TACR3: variants seen among roughly 807,000 people sequenced by gnomAD.
TACR3 encodes the protein tachykinin receptor 3.
A neutral mutation model predicts 35.0 loss-of-function variants in TACR3; 34 were observed. The observed-to-expected ratio is 0.97, with a 90% confidence interval of 0.74 to 1.30. The LOEUF (loss-of-function observed/expected upper bound fraction) is 1.30. TACR3 is among the 50% of genes most tolerant of loss of function. The pLI, the probability that TACR3 is intolerant of heterozygous loss-of-function variation, is 0.00. For synonymous variants in TACR3, 233 were observed against 221.1 expected, an observed-to-expected ratio of 1.05 and a Z score of -0.48; for missense variants, 558 against 591.7, an observed-to-expected ratio of 0.94 and a Z score of 0.59.
At chr4:103,627,181 C>CAAAAAAAAA (rs33988758) in intron 3 of TACR3, among the ~76,000 whole-genome samples, 1 of 24,704 alleles carries the variant, frequency 4.0e-5, no homozygotes, top group Admixed American at 7.5e-4. Context: ...GACTCCGTCT[C>CAAAAAAAAA]AAAAAAAAAA....
chr4:103,623,674 G>A (rs1440989795), intron 3 of TACR3, among the ~76,000 whole-genome samples: 1 of 152,052 alleles, frequency 6.6e-6, no homozygotes, highest in Non-Finnish European at 1.5e-5. Context: ...GAATTTTAAG[G>A]CATAGGGTCT....
At position 103,702,612 on chromosome 4, in the gene TACR3, T is replaced by C. The variant is rs186046647; in HGVS notation, c.548+16516A>G. On this transcript the variant is annotated intron_variant, in intron 1 of 4. Coordinates refer to ENST00000304883, the MANE Select transcript of TACR3 (RefSeq NM_001059.3). The stretch of plus-strand genomic sequence containing the variant: ...AACACACATGCACATGTATGTTTAT[T>C]GCGGCACTATTCACAATAGCAAAGA... 2.2e-3 allele frequency among the ~76,000 whole-genome samples: 335 copies of C among 152,182 alleles called. 3 individuals are homozygous for C. The highest frequency in any genetic ancestry group is 7.7e-3 in the African/African-American group (321 of 41,512).
rs138661164 is a variant in TACR3, at chr4:103,589,790, C to T, written c.1290G>A (p.Thr430=). Residue 430 remains threonine, a synonymous_variant, in exon 5 of 5, where the codon ACG becomes ACA. Transcript: ENST00000304883. ...AGCCATTGAAACTTGGGTCTCTTGGCGTTGCTCTTTTCTTCCGACTGGACC... is the reference window on the plus strand; with the variant it reads ...AGCCATTGAAACTTGGGTCTCTTGGTGTTGCTCTTTTCTTCCGACTGGACC... The part of the protein sequence containing the change: ...TTRSSRKKRA[T]PRDPSFNGCS... 4.0e-5 allele frequency: 65 copies of T among 1,613,928 alleles called. No individual in the cohort carries two copies. The Middle Eastern group carries it at 6.6e-4, about 16-fold the overall frequency.
At chr4:103,640,735 A>AT (rs34867104) in intron 3 of TACR3, among the ~76,000 whole-genome samples, 7,081 of 151,020 alleles carry the variant, frequency 0.047, 197 homozygotes, top group Middle Eastern at 0.058. Context: ...ACGTTATGAG[A>AT]TTTTTTTTTA....
At chr4:103,612,789 C>T (rs995269362) in intron 3 of TACR3, among the ~76,000 whole-genome samples, 3 of 151,938 alleles carry the variant, frequency 2.0e-5, no homozygotes, top group Non-Finnish European at 4.4e-5. Flanking sequence ...GGATTACAGG[C>T]GTGAGCCACA....
chr4:103,698,603 T>C (rs1666733055), intron 1 of TACR3, among the ~76,000 whole-genome samples: 1 of 152,006 alleles, frequency 6.6e-6, no homozygotes, highest in South Asian at 2.1e-4. Flanking sequence ...TGATGGACTT[T>C]ATGTTAAGTG....
intron 3 of TACR3, among the ~76,000 whole-genome samples, chr4:103,603,482 G>A (rs544281424): frequency 4.3e-4 from 65 of 152,310 alleles, no homozygotes; most frequent in Admixed American, 9.8e-4. Flanking sequence ...CGTCTTCTGC[G>A]TTGCTCACGC....
intron 1 of TACR3, among the ~76,000 whole-genome samples, chr4:103,685,938 G>C (rs1402181328): frequency 6.6e-6 from 1 of 152,118 alleles, no homozygotes. Context: ...GTATTGGAGG[G>C]GGCTGACTTT....
chr4:103,719,770 G>A lies in TACR3; in HGVS notation c.-95C>T, dbSNP rs2110236590. The A allele has an allele frequency of 6.7e-7, 1 of 1,499,798 alleles. No homozygotes were observed. The highest frequency in any genetic ancestry group is 1.2e-5 in the South Asian group (1 of 86,164). The allele number at this position is 1,499,798 out of a possible 1,614,324, so 92.9% of individuals were successfully genotyped here. On this transcript the variant is annotated 5_prime_UTR_variant, in exon 1 of 5. Transcript: ENST00000304883. ...TTCTTCTCTGCCTCCTGGTCACTTT[G>A]GTGCCGGAGTCTTCAGATAAGACTG...
At chr4:103,676,474 A>G (rs1726171723) in intron 1 of TACR3, among the ~76,000 whole-genome samples, 1 of 152,168 alleles carries the variant, frequency 6.6e-6, no homozygotes, top group Non-Finnish European at 1.5e-5. Flanking sequence ...AGGAAGAAAA[A>G]CAGCTATAGA....
intron 1 of TACR3, among the ~76,000 whole-genome samples, chr4:103,710,477 G>A (rs1294353153): frequency 1.3e-5 from 2 of 149,320 alleles, no homozygotes; most frequent in Non-Finnish European, 3.0e-5. Context: ...GAATCTCTGA[G>A]ACACATATAA....
chr4:103,607,757 C>T (rs955052706), intron 3 of TACR3, among the ~76,000 whole-genome samples: 3 of 151,802 alleles, frequency 2.0e-5, no homozygotes, highest in Admixed American at 2.0e-4. Context: ...TAGATTAAGC[C>T]CCAAATAAGT....
intron 1 of TACR3, among the ~76,000 whole-genome samples, chr4:103,690,733 T>C (rs1329553456): frequency 6.6e-6 from 1 of 152,094 alleles, no homozygotes; most frequent in Non-Finnish European, 1.5e-5. Flanking sequence ...GGCTATAAAA[T>C]AAGTATCAAC....
intron 1 of TACR3, among the ~76,000 whole-genome samples, chr4:103,715,117 T>A (rs1419851503): frequency 6.6e-6 from 1 of 152,186 alleles, no homozygotes; most frequent in African/African-American, 2.4e-5. Context: ...TTTTTTGCTA[T>A]CTTTCTTAAA....
chr4:103,705,124 A>G (rs1722756134), intron 1 of TACR3, among the ~76,000 whole-genome samples: 3 of 152,150 alleles, frequency 2.0e-5, no homozygotes, highest in Non-Finnish European at 4.4e-5. Context: ...TTTCTTAAAA[A>G]TTAAATCCTG....
chr4:103,714,103 T>C (rs533800525), intron 1 of TACR3, among the ~76,000 whole-genome samples: 1 of 152,180 alleles, frequency 6.6e-6, no homozygotes, highest in Non-Finnish European at 1.5e-5. Flanking sequence ...TTCTTTTTTT[T>C]GGATTTTGTT....
intron 3 of TACR3, among the ~76,000 whole-genome samples, chr4:103,648,249 A>G (rs1185690722): frequency 6.6e-6 from 1 of 152,054 alleles, no homozygotes; most frequent in African/African-American, 2.4e-5. Flanking sequence ...ATAATGCGGT[A>G]TCCATCACTT....
chr4:103,711,718 A>G (rs1451298231), intron 1 of TACR3, among the ~76,000 whole-genome samples: 2 of 152,334 alleles, frequency 1.3e-5, no homozygotes, highest in East Asian at 1.9e-4. Context: ...CTGTTTGCAG[A>G]TGACATGATT....
chr4:103,661,363 A>G (rs555705182), intron 1 of TACR3, among the ~76,000 whole-genome samples: 1 of 152,266 alleles, frequency 6.6e-6, no homozygotes, highest in African/African-American at 2.4e-5. Context: ...ATTTATTTCA[A>G]TATAGGAATT....
Sources: allele counts gnomAD v4.1 joint callset (sites outside exome capture counted in the v4.1 genomes callset), GRCh38; gene constraint gnomAD v4.1.1; transcripts MANE v1.5; gene names NCBI Gene and HGNC (gene_info 2026-07-23, HGNC 2026-07-21).